The following ASB18 variants were observed in gnomAD, a reference collection of about 807,000 sequenced individuals.
The protein encoded by ASB18 is ankyrin repeat and SOCS box containing 18, also known as ankyrin repeat and SOCS box protein 18.
ASB18 carries 33 observed loss-of-function variants against 33.4 expected under a neutral mutation model. The ratio of observed to expected loss-of-function variants is 0.99; its 90% CI spans 0.75 to 1.32. The LOEUF (loss-of-function observed/expected upper bound fraction) is 1.32. ASB18 is among the 40% of genes most tolerant of loss of function. The probability of loss-of-function intolerance (pLI) is 0.00; values close to 1 mark genes in which losing one functional copy is unlikely to be tolerated. For synonymous variants in ASB18, 295 were observed against 307.6 expected, an observed-to-expected ratio of 0.96 and a Z score of 0.43; for missense variants, 694 against 655.5, an observed-to-expected ratio of 1.06 and a Z score of -0.64.
At position 236,237,663 on chromosome 2, in the gene ASB18, C is replaced by T; in HGVS notation, c.596+26G>A. The T allele has an allele frequency of 7.2e-7, 1 of 1,384,506 alleles. No individual in the cohort carries two copies. The highest frequency in any genetic ancestry group is 1.6e-5 in the South Asian group (1 of 63,252). The allele number at this position is 1,384,506 out of a possible 1,614,324, so 85.8% of individuals were successfully genotyped here. A position where few individuals can be genotyped will look rare whatever the true frequency, so the allele number is the denominator to read the frequency against. On this transcript the variant is annotated intron_variant, in intron 3 of 5. Coordinates refer to ENST00000409749, the MANE Select transcript of ASB18 (RefSeq NM_212556.4). This position sits in a 1 kb window ranked among gnomAD's most constrained non-coding sequence, Gnocchi z 6.2. Reference sequence around the variant, plus strand: ...GTCTGGTCTCGGGGCGGGGCGGACGCCGCGGGCCTGTCCCGAGGTCCTTAC... The same window carrying T: ...GTCTGGTCTCGGGGCGGGGCGGACGTCGCGGGCCTGTCCCGAGGTCCTTAC...
At position 236,219,271 on chromosome 2, in the gene ASB18, G is replaced by C. The variant is rs1399856129; in HGVS notation, c.597-4405C>G. Among the ~76,000 whole-genome samples the C allele has an allele frequency of 6.6e-6, 1 of 152,124 alleles. No individual in the cohort carries two copies. The highest frequency in any genetic ancestry group is 1.9e-4 in the East Asian group (1 of 5,190). ...CTTTTTGCCTGCATGCGTTTTTCAA[G>C]TTATCCAAAATAAGTCAAGGTGCAG... On this transcript the variant is annotated intron_variant, in intron 3 of 5. Transcript: ENST00000409749. The surrounding 1 kb of genome is among the most constrained non-coding windows in gnomAD (Gnocchi z 6.4).
rs1434488186 is a variant in ASB18 at position 236,249,598 on chromosome 2, G to A, written c.206-8196C>T. The stretch of plus-strand genomic sequence containing the variant: ...AACAAATACAATGCCCTTCTTGAAA[G>A]AGAGGGATTCTGATGAATATAATTT... On this transcript the variant is annotated intron_variant, in intron 1 of 5. Transcript: ENST00000409749. The surrounding 1 kb of genome is among the most constrained non-coding windows in gnomAD (Gnocchi z 4.6). 6.6e-6 allele frequency: 1 copy of A among 152,192 alleles called. No homozygotes were observed. Among genetic ancestry groups the A allele is most frequent in the Non-Finnish European group, 1.5e-5 (1 of 68,044 alleles). 9.4% of individuals were successfully genotyped at this position (152,192 alleles called of 1,614,324 possible).
rs913765156 is a variant in ASB18, at chr2:236,217,213, G to A, written c.597-2347C>T. On this transcript the variant is annotated intron_variant, in intron 3 of 5. Coordinates refer to ENST00000409749, the MANE Select transcript of ASB18 (RefSeq NM_212556.4). This position sits in a 1 kb window ranked among gnomAD's most constrained non-coding sequence, Gnocchi z 5.2. The stretch of plus-strand genomic sequence containing the variant: ...ACCTGAGGTCAGGAGTTTGAGAACA[G>A]CCTGGCCAACATGGTGAAAACCCAT... Among the ~76,000 whole-genome samples, 3 of 152,104 alleles carry A rather than the reference G, an allele frequency of 2.0e-5. No homozygotes were observed. The highest frequency in any genetic ancestry group is 7.2e-5 in the African/African-American group (3 of 41,422).
In ASB18 at chr2:236,260,725, C is replaced by T. The variant is rs949289335; in HGVS notation, c.205+3416G>A. 1.3e-5 allele frequency among the ~76,000 whole-genome samples: 2 copies of T among 152,210 alleles called. No homozygotes were observed. The highest frequency in any genetic ancestry group is 2.9e-5 in the Non-Finnish European group (2 of 68,046). On this transcript the variant is annotated intron_variant, in intron 1 of 5. Transcript: ENST00000409749. This position sits in a 1 kb window ranked among gnomAD's most constrained non-coding sequence, Gnocchi z 5.1. Reference sequence around the variant, plus strand: ...AATCACCAATTCTACGGGTTGTCAGCAGACATGAAAGTGAGGTTCTGGGTT... The same window carrying T: ...AATCACCAATTCTACGGGTTGTCAGTAGACATGAAAGTGAGGTTCTGGGTT...
rs1308948006 is a variant in ASB18, at chr2:236,221,892, G to A, written c.597-7026C>T. Among the ~76,000 whole-genome samples, 1 of 152,184 alleles carries A rather than the reference G, an allele frequency of 6.6e-6. No individual in the cohort carries two copies. Among genetic ancestry groups the A allele is most frequent in the Non-Finnish European group, 1.5e-5 (1 of 68,030 alleles). Reference sequence around the variant, plus strand: ...TGCTTTTCCTCCTCAGAGATGACACGGAGGCAGATGGGCTAGAGACATGTC... The same window carrying A: ...TGCTTTTCCTCCTCAGAGATGACACAGAGGCAGATGGGCTAGAGACATGTC... On this transcript the variant is annotated intron_variant, in intron 3 of 5. Coordinates refer to ENST00000409749, the MANE Select transcript of ASB18 (RefSeq NM_212556.4). The surrounding 1 kb of genome is among the most constrained non-coding windows in gnomAD (Gnocchi z 5.6).
rs938513473 is a variant in ASB18 at position 236,257,784 on chromosome 2, A to G, written c.205+6357T>C. Among the ~76,000 whole-genome samples the G allele has an allele frequency of 1.1e-4, 17 of 152,174 alleles. No individual in the cohort carries two copies. The highest frequency in any genetic ancestry group is 4.1e-4 in the African/African-American group (17 of 41,442). On this transcript the variant is annotated intron_variant, in intron 1 of 5. Transcript: ENST00000409749. This position sits in a 1 kb window ranked among gnomAD's most constrained non-coding sequence, Gnocchi z 5.5. ...CCGGTCTGTAGAACGCAGCTGTGGGATGAACTACAGGTGCCGTGGAGCACG... is the reference window on the plus strand; with the variant it reads ...CCGGTCTGTAGAACGCAGCTGTGGGGTGAACTACAGGTGCCGTGGAGCACG...
rs1004213349 is a variant in ASB18, at chr2:236,239,491, C to T, written c.329-1535G>A. On this transcript the variant is annotated intron_variant, in intron 2 of 5. Transcript: ENST00000409749. The surrounding 1 kb of genome is among the most constrained non-coding windows in gnomAD (Gnocchi z 5.6). ...GTCCCAGTTCTGCCACCAGGAGGGA[C>T]GTGAATTAAGGCTCAGGAAGCCGGA... Among the ~76,000 whole-genome samples the T allele has an allele frequency of 3.4e-5, 5 of 146,850 alleles. No individual in the cohort carries two copies. The highest frequency in any genetic ancestry group is 4.0e-4 in the East Asian group (2 of 5,020).
rs2060690997 is a variant in ASB18, at chr2:236,256,166, T to C, written c.205+7975A>G. Among the ~76,000 whole-genome samples the C allele has an allele frequency of 6.6e-6, 1 of 152,078 alleles. No homozygotes were observed. The highest frequency in any genetic ancestry group is 2.4e-5 in the African/African-American group (1 of 41,408). On this transcript the variant is annotated intron_variant, in intron 1 of 5. Transcript: ENST00000409749. This position sits in a 1 kb window ranked among gnomAD's most constrained non-coding sequence, Gnocchi z 4.7. ...TCAGTCCCCCAAGTAACTGGGACTATAGGTGTGTGCCATCATGCCCAGGCT... is the reference window on the plus strand; with the variant it reads ...TCAGTCCCCCAAGTAACTGGGACTACAGGTGTGTGCCATCATGCCCAGGCT...
Position 236,237,759 on chromosome 2 carries a change from C to A in ASB18, c.526G>T (p.Ala176Ser). The change falls in exon 3 of 6, where the codon GCC (alanine) becomes TCC (serine). Residue 176 changes from alanine (A) to serine (S), a missense_variant. By Grantham distance (99) the Ala-to-Ser change is moderately conservative (BLOSUM62 1). Transcript: ENST00000409749. The surrounding 1 kb of genome is among the most constrained non-coding windows in gnomAD (Gnocchi z 6.2). Reference sequence around the variant, plus strand: ...TCGGCGCTGAGCAGGTCGGGGTCGGCGCGGTGCTGCAGCAGCAGGCGGACG... The same window carrying A: ...TCGGCGCTGAGCAGGTCGGGGTCGGAGCGGTGCTGCAGCAGCAGGCGGACG... Reference protein sequence around the residue: ...ACVRLLLQHRADPDLLSAEGL... With the variant: ...ACVRLLLQHRSDPDLLSAEGL... 1 of 1,454,210 alleles carries A rather than the reference C, an allele frequency of 6.9e-7. No individual in the cohort carries two copies. Among genetic ancestry groups the A allele is most frequent in the Non-Finnish European group, 9.0e-7 (1 of 1,108,498 alleles). The allele number at this position is 1,454,210 out of a possible 1,614,324, so 90.1% of individuals were successfully genotyped here.
Position 236,259,694 on chromosome 2 carries a change from C to A in ASB18, c.205+4447G>T. On this transcript the variant is annotated intron_variant, in intron 1 of 5. Coordinates refer to ENST00000409749, the MANE Select transcript of ASB18 (RefSeq NM_212556.4). The surrounding 1 kb of genome is among the most constrained non-coding windows in gnomAD (Gnocchi z 4.4). Reference sequence around the variant, plus strand: ...GGGGGCTCAGCCTCAGTGAGCCCAGCAGGATGTTGGGCATCTCAGGTCCAT... The same window carrying A: ...GGGGGCTCAGCCTCAGTGAGCCCAGAAGGATGTTGGGCATCTCAGGTCCAT... The A allele has an allele frequency of 2.3e-6, 1 of 430,060 alleles. No individual in the cohort carries two copies. 26.6% of individuals were successfully genotyped at this position (430,060 alleles called of 1,614,324 possible). A position where few individuals can be genotyped will look rare whatever the true frequency, so the allele number is the denominator to read the frequency against.
Position 236,244,232 on chromosome 2 carries a change from C to T in ASB18, c.206-2830G>A, listed in dbSNP as rs572435244. Among the ~76,000 whole-genome samples the T allele has an allele frequency of 1.6e-4, 25 of 152,264 alleles. No individual in the cohort carries two copies. The highest frequency in any genetic ancestry group is 5.5e-4 in the African/African-American group (23 of 41,544). On this transcript the variant is annotated intron_variant, in intron 1 of 5. Transcript: ENST00000409749. The surrounding 1 kb of genome is among the most constrained non-coding windows in gnomAD (Gnocchi z 6.1). ...TTCTTTGGCCTGTGCACATGAGTTA[C>T]GATACAAACTATATGAGCAGAGGCT... is the stretch of plus-strand genomic sequence containing the variant.
At position 236,250,943 on chromosome 2, in the gene ASB18, C is replaced by T. The variant is rs2060665804; in HGVS notation, c.206-9541G>A. On this transcript the variant is annotated intron_variant, in intron 1 of 5. Transcript: ENST00000409749. The surrounding 1 kb of genome is among the most constrained non-coding windows in gnomAD (Gnocchi z 4.1). ...AACAAAACATTAAAACATTTTACTT[C>T]CTCAGATCAAGTGCATCTATTAATA... Among the ~76,000 whole-genome samples, 1 of 152,210 alleles carries T rather than the reference C, an allele frequency of 6.6e-6. No homozygotes were observed. The highest frequency in any genetic ancestry group is 2.1e-4 in the South Asian group (1 of 4,832).
At chr2:236,243,064 CTCACGCCT>C (rs1289187909) in intron 1 of ASB18, among the ~76,000 whole-genome samples, 1 of 139,232 alleles carries the variant, frequency 7.2e-6, no homozygotes, top group African/African-American at 2.7e-5. Context: ...GGCGCAGTGG[CTCACGCCT>C]GTAATCCCAG....
At chr2:236,201,665 T>C (rs1187582158) in intron 4 of ASB18, among the ~76,000 whole-genome samples, 1 of 151,374 alleles carries the variant, frequency 6.6e-6, no homozygotes, top group Non-Finnish European at 1.5e-5. Context: ...GTCACATTTA[T>C]GATTTGGAGC....
At chr2:236,202,153 G>A (rs890648439) in intron 4 of ASB18, among the ~76,000 whole-genome samples, 4 of 152,086 alleles carry the variant, frequency 2.6e-5, no homozygotes, top group Non-Finnish European at 5.9e-5. Context: ...GTTTCACCAT[G>A]TTGGCCAGGC....
Position 236,221,927 on chromosome 2 carries a change from G to C in ASB18, c.597-7061C>G, listed in dbSNP as rs1186334549. 6.6e-6 allele frequency among the ~76,000 whole-genome samples: 1 copy of C among 152,234 alleles called. No homozygotes were observed. Among genetic ancestry groups the C allele is most frequent in the East Asian group, 1.9e-4 (1 of 5,192 alleles). ...GGGCTAGAGACATGTCCCAGGGGAAGGGTGGCTGCAGCTGAAGGCTGGGTC... is the reference window on the plus strand; with the variant it reads ...GGGCTAGAGACATGTCCCAGGGGAACGGTGGCTGCAGCTGAAGGCTGGGTC... On this transcript the variant is annotated intron_variant, in intron 3 of 5. Coordinates refer to ENST00000409749, the MANE Select transcript of ASB18 (RefSeq NM_212556.4). This position sits in a 1 kb window ranked among gnomAD's most constrained non-coding sequence, Gnocchi z 5.6.
rs936287209 is a variant in ASB18 at position 236,195,262 on chromosome 2, G to A, written c.1216-205C>T. ...GCTCTCCCAAAGCACAGTTCCTGCC[G>A]AGTGAGAGGGGATTCTGACTGGGGT... On this transcript the variant is annotated intron_variant, in intron 5 of 5. Transcript: ENST00000409749. This position sits in a 1 kb window ranked among gnomAD's most constrained non-coding sequence, Gnocchi z 5.5. 6.6e-6 allele frequency among the ~76,000 whole-genome samples: 1 copy of A among 152,164 alleles called. No individual in the cohort carries two copies. The highest frequency in any genetic ancestry group is 1.5e-5 in the Non-Finnish European group (1 of 68,026).
Position 236,200,036 on chromosome 2 carries a change from G to A in ASB18, c.1102-3651C>T, listed in dbSNP as rs1396229578. On this transcript the variant is annotated intron_variant, in intron 4 of 5. Transcript: ENST00000409749. The surrounding 1 kb of genome is among the most constrained non-coding windows in gnomAD (Gnocchi z 4.2). ...GAAATTTAGCATTGCATAGATAACA[G>A]TCAAGGTCCATTAGAAAAGAGATGG... 6.6e-6 allele frequency among the ~76,000 whole-genome samples: 1 copy of A among 152,140 alleles called. No homozygotes were observed. Among genetic ancestry groups the A allele is most frequent in the Non-Finnish European group, 1.5e-5 (1 of 68,036 alleles).
chr2:236,232,791 G>A (rs1328154155), intron 3 of ASB18, among the ~76,000 whole-genome samples: 1 of 151,986 alleles, frequency 6.6e-6, no homozygotes, highest in African/African-American at 2.4e-5. Context: ...TAAATTCATA[G>A]TTAAAAACCT....
Sources: gnomAD v4.1 joint callset for allele counts (sites outside exome capture counted in the v4.1 genomes callset) on GRCh38, gnomAD v4.1.1 for gene constraint, Gnocchi (gnomAD v3.1) non-coding constraint, MANE v1.5 for transcripts, NCBI Gene and HGNC (gene_info 2026-07-23, HGNC 2026-07-21) for gene names.